C1QTNF9: variants seen among roughly 807,000 people sequenced by gnomAD.
C1QTNF9 encodes the protein C1q and TNF related 9, also known as complement C1q and tumor necrosis factor-related protein 9A.
Under a neutral mutation model 10.1 loss-of-function variants are expected in C1QTNF9, and 6 were observed. That is an observed-to-expected ratio of 0.59 (90% CI 0.32 to 1.17). C1QTNF9 has a LOEUF of 1.17. Among genes scored for constraint, C1QTNF9 ranks in the 50% most tolerant of loss-of-function variants. C1QTNF9 has a pLI of 0.04. For synonymous variants in C1QTNF9, 98 were observed against 163.5 expected (o/e 0.60, Z 3.06); for missense variants, 201 against 418.8 (o/e 0.48, Z 4.54).
exon 4 of C1QTNF9, chr13:24,321,717 T>A (rs746572711): frequency 1.9e-6 from 3 of 1,607,214 alleles, no homozygotes; most frequent in Non-Finnish European, 2.6e-6. Flanking sequence ...TGTTTGCTGA[T>A]GAGGACGATG....
At chr13:24,308,601 C>G (rs1021399792), upstream of C1QTNF9, among the ~76,000 whole-genome samples, 1 of 152,208 alleles carries the variant, frequency 6.6e-6, no homozygotes, top group Non-Finnish European at 1.5e-5. Flanking sequence ...TCGGCGCCGC[C>G]GAGCTGGGGC....
In C1QTNF9 at chr13:24,315,917, A is replaced by G. The variant is rs59215206; in HGVS notation, c.-22-65A>G. On this transcript the variant is annotated intron_variant, in intron 1 of 3. Transcript: ENST00000332018. ...TCATCCATTTCCCACTGCACGGAAC[A>G]GAGGCTGTGTCCAGGGCCCCAGCAA... The G allele has an allele frequency of 1.0e-3, 1,610 of 1,567,250 alleles. 28 individuals are homozygous for G. In the South Asian group the frequency reaches 0.011, roughly 11 times the overall value.
chr13:24,310,649 C>T (rs1877778929), intron 1 of C1QTNF9, among the ~76,000 whole-genome samples: 1 of 151,546 alleles, frequency 6.6e-6, no homozygotes, highest in South Asian at 2.1e-4. Context: ...CGCGGTGGCT[C>T]ACACCTGTAA....
chr13:24,316,074 G>T (rs1479395021), exon 2 of C1QTNF9: 4 of 1,613,686 alleles, frequency 2.5e-6, no homozygotes, highest in Non-Finnish European at 3.4e-6. Flanking sequence ...GACACCTGCA[G>T]GCAAGGGCAC....
intron 1 of C1QTNF9, among the ~76,000 whole-genome samples, chr13:24,312,337 G>C (rs1440142322): frequency 6.6e-6 from 1 of 150,456 alleles, no homozygotes; most frequent in Non-Finnish European, 1.5e-5. Flanking sequence ...TACAGAGTAA[G>C]TGGGGACTGG....
exon 4 of C1QTNF9, chr13:24,321,659 G>T: frequency 6.2e-7 from 1 of 1,614,182 alleles, no homozygotes; most frequent in East Asian, 2.2e-5. Flanking sequence ...CTGAAGCTCG[G>T]GGATGAGGTG....
intron 1 of C1QTNF9, among the ~76,000 whole-genome samples, chr13:24,313,863 A>G (rs1266184178): frequency 6.6e-6 from 1 of 152,238 alleles, no homozygotes; most frequent in Non-Finnish European, 1.5e-5. Context: ...AAGTACATTT[A>G]TAATGTGCAT....
chr13:24,307,518 T>G (rs1407305190), upstream of C1QTNF9, among the ~76,000 whole-genome samples: 6 of 152,240 alleles, frequency 3.9e-5, no homozygotes, highest in Non-Finnish European at 8.8e-5. Context: ...AACAGCCCAT[T>G]GTTTGCTGTG....
intron 1 of C1QTNF9, among the ~76,000 whole-genome samples, chr13:24,311,616 C>T (rs1391990214): frequency 6.6e-6 from 1 of 152,254 alleles, no homozygotes; most frequent in Non-Finnish European, 1.5e-5. Flanking sequence ...CAGATGTCTG[C>T]AAGCCTCCTC....
chr13:24,311,032 G>T (rs752012923), intron 1 of C1QTNF9, among the ~76,000 whole-genome samples: 1 of 151,994 alleles, frequency 6.6e-6, no homozygotes, highest in Non-Finnish European at 1.5e-5. Context: ...CTCTTAGATC[G>T]TCAGATCCGG....
intron 1 of C1QTNF9, among the ~76,000 whole-genome samples, chr13:24,312,452 A>G (rs1877865099): frequency 6.6e-6 from 1 of 152,220 alleles, no homozygotes; most frequent in Admixed American, 6.5e-5. Flanking sequence ...GACCAGACCC[A>G]GAAATTAAAA....
chr13:24,310,706 G>A (rs1271006873), intron 1 of C1QTNF9, among the ~76,000 whole-genome samples: 1 of 151,430 alleles, frequency 6.6e-6, no homozygotes, highest in African/African-American at 2.4e-5. Flanking sequence ...GAGGTCAGGA[G>A]ATCAAGACCA....
intron 3 of C1QTNF9, among the ~76,000 whole-genome samples, chr13:24,319,859 G>A (rs1421328301): frequency 1.3e-5 from 2 of 152,172 alleles, no homozygotes; most frequent in African/African-American, 2.4e-5. Flanking sequence ...CCAGACGCTA[G>A]GTAGTTTTAT....
chr13:24,320,667 G>A lies in C1QTNF9; in HGVS notation c.230-329G>A, dbSNP rs894599039. Among the ~76,000 whole-genome samples the A allele has an allele frequency of 6.2e-4, 94 of 152,182 alleles. 2 individuals carry two copies. In the South Asian group the frequency reaches 8.0e-3, roughly 13 times the overall value. ...CCCAAAGTGCTAGGATTACAGGCAT[G>A]AGCCACTGAGCTGGGCTGGAGTAAT... On this transcript the variant is annotated intron_variant, in intron 3 of 3. Coordinates refer to ENST00000332018, the Ensembl canonical transcript of C1QTNF9.
intron 2 of C1QTNF9, among the ~76,000 whole-genome samples, chr13:24,316,452 C>G (rs1226801872): frequency 6.6e-6 from 1 of 152,184 alleles, no homozygotes; most frequent in African/African-American, 2.4e-5. Context: ...TCTCTCATCT[C>G]TGACACCGCA....
chr13:24,314,824 T>C (rs997987902), intron 1 of C1QTNF9, among the ~76,000 whole-genome samples: 3 of 149,454 alleles, frequency 2.0e-5, no homozygotes, highest in African/African-American at 7.4e-5. Context: ...GCCTGCGTGA[T>C]GGAGCAAGAC....
At chr13:24,314,126 G>A (rs913404172) in intron 1 of C1QTNF9, among the ~76,000 whole-genome samples, 5 of 152,320 alleles carry the variant, frequency 3.3e-5, no homozygotes, top group African/African-American at 1.2e-4. Flanking sequence ...AGACATAGAT[G>A]TCTTTTGCTC....
At chr13:24,312,818 G>A (rs1424934833) in intron 1 of C1QTNF9, among the ~76,000 whole-genome samples, 5 of 152,012 alleles carry the variant, frequency 3.3e-5, no homozygotes, top group Non-Finnish European at 7.4e-5. Flanking sequence ...ACCCGGGCAT[G>A]GTAGTGGGTG....
chr13:24,317,349 A>G (rs558006249), intron 2 of C1QTNF9, among the ~76,000 whole-genome samples: 1 of 152,148 alleles, frequency 6.6e-6, no homozygotes, highest in Admixed American at 6.5e-5. Flanking sequence ...AAAAGGAGAT[A>G]AATAGGTGAT....
Sources: allele counts gnomAD v4.1 joint callset (sites outside exome capture counted in the v4.1 genomes callset), GRCh38; gene constraint gnomAD v4.1.1; transcripts MANE v1.5; gene names NCBI Gene and HGNC (gene_info 2026-07-23, HGNC 2026-07-21).